METAP1: variants seen among roughly 807,000 people sequenced by gnomAD.
METAP1 encodes methionyl aminopeptidase 1.
A neutral mutation model predicts 53.8 loss-of-function variants in METAP1; 28 were observed. The ratio of observed to expected loss-of-function variants is 0.52; its 90% CI spans 0.39 to 0.71. The LOEUF is 0.71. Ranked by LOEUF, METAP1 falls within the 30% of genes least tolerant of loss-of-function variation. METAP1 has a pLI of 0.00. For missense variants in METAP1, 389 were observed against 479.8 expected (o/e 0.81, Z 1.77); for synonymous variants, 181 against 165.7 (o/e 1.09, Z -0.71).
chr4:99,007,387 C>T (rs1051692482), intron 1 of METAP1, among the ~76,000 whole-genome samples: 3 of 152,072 alleles, frequency 2.0e-5, no homozygotes, highest in African/African-American at 7.2e-5. Flanking sequence ...TTTTTTTTAA[C>T]CTCACAATTG....
intron 1 of METAP1, among the ~76,000 whole-genome samples, chr4:99,003,492 A>G (rs989775912): frequency 1.3e-5 from 2 of 152,184 alleles, no homozygotes; most frequent in African/African-American, 4.8e-5. Context: ...ACTAACTGGT[A>G]ATAGGGATGG....
chr4:99,005,965 G>A (rs1043551879), intron 1 of METAP1: 4 of 208,710 alleles, frequency 1.9e-5, no homozygotes, highest in South Asian at 6.2e-5. Context: ...TACATATTTA[G>A]TACAATGTAC....
At chr4:99,060,294 GCTTT>G (rs1332117848) in intron 10 of METAP1, among the ~76,000 whole-genome samples, 1 of 149,894 alleles carries the variant, frequency 6.7e-6, no homozygotes, top group Middle Eastern at 3.4e-3. Flanking sequence ...CCACTGTTCT[GCTTT>G]CTATCTCCAT....
chr4:99,000,973 C>G (rs1310186460), intron 1 of METAP1, among the ~76,000 whole-genome samples: 2 of 152,134 alleles, frequency 1.3e-5, no homozygotes, highest in Non-Finnish European at 2.9e-5. Context: ...GTTGTCTATA[C>G]AGGTGTGAGC....
chr4:99,034,241 G>A lies in METAP1; in HGVS notation c.178G>A (p.Ala60Thr), dbSNP rs1725269928. 7 of 1,548,246 alleles carry A rather than the reference G, an allele frequency of 4.5e-6. No homozygotes were observed. The highest frequency in any genetic ancestry group is 5.2e-6 in the Non-Finnish European group (6 of 1,143,968). ...CCTCCGTCTCCCAGAAGATGAAAAG[G>A]CGAAGCGAGAAGTGTCTTCCTGGAC... The part of the protein sequence containing the change: ...LLHKKAKDEK[A>T]KREVSSWTVE... The change falls in exon 3 of 11, where the codon GCG becomes ACG. Residue 60 changes from alanine to threonine, a missense_variant. By Grantham distance (58) the Ala-to-Thr change is moderately conservative. Coordinates refer to ENST00000296411, the MANE Select transcript of METAP1 (RefSeq NM_015143.3).
At chr4:99,026,686 C>A (rs1036245196) in intron 1 of METAP1, 62 of 985,186 alleles carry the variant, frequency 6.3e-5, no homozygotes, top group Non-Finnish European at 7.4e-5. Context: ...TATTCCTCTT[C>A]TACTGGGGAA....
chr4:99,048,699 T>A, intron 8 of METAP1, 34 bp from the exon 9 acceptor site: 1 of 1,604,688 alleles, frequency 6.2e-7, no homozygotes, highest in East Asian at 2.2e-5. Flanking sequence ...GTATTAGTTA[T>A]TAGTTTATCA....
At chr4:99,029,781 G>A (rs1460868569) in intron 2 of METAP1, among the ~76,000 whole-genome samples, 2 of 151,918 alleles carry the variant, frequency 1.3e-5, no homozygotes, top group African/African-American at 4.8e-5. Context: ...TGAATGTAGT[G>A]TGTTTTTACC....
chr4:98,999,962 A>G (rs1722843830), intron 1 of METAP1, among the ~76,000 whole-genome samples: 1 of 151,926 alleles, frequency 6.6e-6, no homozygotes, highest in African/African-American at 2.4e-5. Flanking sequence ...TGTCTTTTTC[A>G]TTTGTGTGTA....
At chr4:99,048,435 C>T (rs1294874631) in intron 8 of METAP1, among the ~76,000 whole-genome samples, 2 of 152,154 alleles carry the variant, frequency 1.3e-5, no homozygotes, top group East Asian at 3.9e-4. Flanking sequence ...AGTACAGTGG[C>T]AGGAACACTG....
chr4:99,024,332 C>G (rs756825567), intron 1 of METAP1, among the ~76,000 whole-genome samples: 36 of 152,096 alleles, frequency 2.4e-4, no homozygotes, highest in Admixed American at 1.3e-4. Context: ...GGAGTCTTGC[C>G]GATGTTCCTG....
At chr4:99,023,361 A>AT (rs1014470469) in intron 1 of METAP1, 346 of 843,300 alleles carry the variant, frequency 4.1e-4, no homozygotes, top group South Asian at 7.1e-4. Context: ...GGGTCAAAGT[A>AT]TTTTTTTTTG....
chr4:99,033,267 G>A (rs1005349018), intron 2 of METAP1, among the ~76,000 whole-genome samples: 8 of 145,540 alleles, frequency 5.5e-5, no homozygotes, highest in African/African-American at 1.3e-4. Flanking sequence ...TTTTTTTTTC[G>A]GACACTTCTA....
At chr4:99,040,350 A>G (rs997934355) in intron 5 of METAP1, among the ~76,000 whole-genome samples, 13 of 152,184 alleles carry the variant, frequency 8.5e-5, no homozygotes, top group Admixed American at 8.5e-4. Flanking sequence ...TTATTCATTT[A>G]AGTAAGATTC....
At chr4:99,027,509 C>T (rs2110327982) in intron 1 of METAP1, among the ~76,000 whole-genome samples, 1 of 151,064 alleles carries the variant, frequency 6.6e-6, no homozygotes, top group East Asian at 2.0e-4. Flanking sequence ...GGTATGAGTT[C>T]AGTTAATGAA....
chr4:99,012,570 C>T (rs112587508), intron 1 of METAP1, among the ~76,000 whole-genome samples: 8 of 151,304 alleles, frequency 5.3e-5, no homozygotes, highest in African/African-American at 9.7e-5. Flanking sequence ...CCACCACACC[C>T]GGCCGAGGTG....
At chr4:98,999,811 A>G (rs941745902) in intron 1 of METAP1, among the ~76,000 whole-genome samples, 2 of 151,952 alleles carry the variant, frequency 1.3e-5, no homozygotes, top group African/African-American at 2.4e-5. Context: ...GTGCCAGCCT[A>G]GGATGTTTGA....
chr4:99,016,328 G>A (rs1723765439), intron 1 of METAP1, among the ~76,000 whole-genome samples: 1 of 152,162 alleles, frequency 6.6e-6, no homozygotes. Flanking sequence ...TAAAGCAATA[G>A]GGAGGCATTT....
At chr4:98,996,796 G>A (rs1230787729) in intron 1 of METAP1, among the ~76,000 whole-genome samples, 3 of 152,178 alleles carry the variant, frequency 2.0e-5, no homozygotes. Flanking sequence ...ATGGCTCTTA[G>A]TTACAGTCCA....
Sources: gnomAD v4.1 joint callset for allele counts (sites outside exome capture counted in the v4.1 genomes callset) on GRCh38, gnomAD v4.1.1 for gene constraint, MANE v1.5 for transcripts, NCBI Gene and HGNC (gene_info 2026-07-23, HGNC 2026-07-21) for gene names.